The following LMF1 variants were observed in gnomAD, a reference collection of about 807,000 sequenced individuals.
LMF1 encodes lipase maturation factor 1.
Under a neutral mutation model 60.6 loss-of-function variants are expected in LMF1, and 68 were observed. That is an observed-to-expected ratio of 1.12 (90% CI 0.92 to 1.37). The LOEUF (loss-of-function observed/expected upper bound fraction) is 1.37, where lower values mean the gene tolerates loss of function less well. Among genes scored for constraint, LMF1 ranks in the 40% most tolerant of loss-of-function variants. LMF1 has a pLI of 0.00. For missense variants in LMF1, 948 were observed against 767.2 expected (o/e 1.24, Z -2.78); for synonymous variants, 418 against 324.7 (o/e 1.29, Z -3.09).
rs1334731890 is a variant in LMF1, at chr16:853,960, G to T, written c.*572C>A. 1 of 454,088 alleles carries T rather than the reference G, an allele frequency of 2.2e-6. No individual in the cohort carries two copies. 28.1% of individuals were successfully genotyped at this position (454,088 alleles called of 1,614,324 possible). On this transcript the variant is annotated 3_prime_UTR_variant, in exon 11 of 11. Transcript: ENST00000262301. ...GTGTGGGATGCGTGTAGGCTGTGGC[G>T]GGGGTGGAGATGAGGGATAGGACAG... is the stretch of plus-strand genomic sequence containing the variant.
At chr16:980,125 A>C (rs1182252261) in intron 1 of LMF1, 2 of 268,388 alleles carry the variant, frequency 7.5e-6, no homozygotes, top group Non-Finnish European at 1.5e-5. Flanking sequence ...GCTTCCTCTG[A>C]CCTGGCTGCA....
chr16:938,059 A>T (rs2071994001), intron 2 of LMF1, among the ~76,000 whole-genome samples: 1 of 149,036 alleles, frequency 6.7e-6, no homozygotes, highest in Non-Finnish European at 1.5e-5. Flanking sequence ...CCACAAAAAA[A>T]GAGGGGCGCC....
chr16:916,039 T>G (rs1436262773), intron 3 of LMF1, among the ~76,000 whole-genome samples: 1 of 152,044 alleles, frequency 6.6e-6, no homozygotes, highest in Non-Finnish European at 1.5e-5. Context: ...CGGGGTAGCC[T>G]CCGGCAAAGG....
At chr16:960,398 C>T (rs1325957597) in intron 1 of LMF1, among the ~76,000 whole-genome samples, 1,038 of 92,900 alleles carry the variant, frequency 0.011, 6 homozygotes, top group Non-Finnish European at 0.015. Context: ...GATCACGACC[C>T]AGACACAGAC....
intron 3 of LMF1, chr16:931,749 T>C: frequency 7.8e-7 from 1 of 1,286,836 alleles, no homozygotes; most frequent in Non-Finnish European, 1.0e-6. Flanking sequence ...CTACTACGAG[T>C]CTTCTGAATT....
rs754370785 is a variant in LMF1 at position 870,076 on chromosome 16, G to A, written c.1233-10C>T. 2 of 1,603,114 alleles carry A rather than the reference G, an allele frequency of 1.2e-6. No individual in the cohort carries two copies. Among genetic ancestry groups the A allele is most frequent in the South Asian group, 1.1e-5 (1 of 90,810 alleles). ...CCGCTCCTTGGTGATGCTGCCGGGA[G>A]ACCGAGGCAGGCCAGGCCCACGTCA... On this transcript the variant is annotated splice_polypyrimidine_tract_variant and intron_variant, in intron 8 of 10. Coordinates refer to ENST00000262301, the MANE Select transcript of LMF1 (RefSeq NM_022773.4).
chr16:927,305 C>A (rs1028585808), intron 3 of LMF1, among the ~76,000 whole-genome samples: 3 of 152,240 alleles, frequency 2.0e-5, no homozygotes, highest in Non-Finnish European at 4.4e-5. Context: ...AGACCAGAGA[C>A]ACGCAGGACC....
chr16:877,605 A>G (rs2070029197), intron 6 of LMF1, among the ~76,000 whole-genome samples: 1 of 152,206 alleles, frequency 6.6e-6, no homozygotes, highest in Admixed American at 6.5e-5. Flanking sequence ...ATTCATGGCT[A>G]AAAACCCACA....
chr16:952,662 G>C (rs2072508778), intron 2 of LMF1: 1 of 153,494 alleles, frequency 6.5e-6, no homozygotes, highest in Non-Finnish European at 1.5e-5. Flanking sequence ...GTCCACGAAA[G>C]ACACAAGAGC....
At chr16:912,815 C>T (rs1199994891) in intron 3 of LMF1, among the ~76,000 whole-genome samples, 3 of 152,252 alleles carry the variant, frequency 2.0e-5, no homozygotes, top group Non-Finnish European at 4.4e-5. Context: ...ATTCCAGCAG[C>T]TGCGCGGCGT....
At chr16:968,817 G>C (rs117923264) in intron 1 of LMF1, 1 of 152,222 alleles carries the variant, frequency 6.6e-6, no homozygotes, top group Non-Finnish European at 1.5e-5. Context: ...GCCTCAGCTC[G>C]TTTGAAAGAG....
At position 962,241 on chromosome 16, in the gene LMF1, A is replaced by C. The variant is rs1277895214; in HGVS notation, c.194-7575T>G. Among the ~76,000 whole-genome samples, 1 of 151,304 alleles carries C rather than the reference A, an allele frequency of 6.6e-6. No homozygotes were observed. Among genetic ancestry groups the C allele is most frequent in the African/African-American group, 2.4e-5 (1 of 41,086 alleles). On this transcript the variant is annotated intron_variant, in intron 1 of 10. Transcript: ENST00000262301. This position sits in a 1 kb window ranked among gnomAD's most constrained non-coding sequence, Gnocchi z 4.5. The stretch of plus-strand genomic sequence containing the variant: ...CGGTGACAGCATGGGATCACGACCC[A>C]GACACAGACTCACGGTGACAGCACG...
chr16:930,529 GGTGAC>G (rs1376644414), intron 3 of LMF1, among the ~76,000 whole-genome samples: 1 of 152,106 alleles, frequency 6.6e-6, no homozygotes, highest in Non-Finnish European at 1.5e-5. Flanking sequence ...CTCCAGCCTG[GGTGAC>G]AGAGCAAGAC....
intron 2 of LMF1, among the ~76,000 whole-genome samples, chr16:949,307 ACAACGACAGAGTCAGC>A (rs1171672760): frequency 7.4e-5 from 8 of 108,376 alleles, no homozygotes; most frequent in East Asian, 5.2e-4. Context: ...AGAGTCAGAG[ACAACGACAGAGTCAGC>A]CAACGACAGA....
chr16:923,877 T>C (rs1227935289), intron 3 of LMF1, among the ~76,000 whole-genome samples: 2 of 152,300 alleles, frequency 1.3e-5, no homozygotes, highest in African/African-American at 4.8e-5. Context: ...GTCCAATGTG[T>C]TTGATTCTGT....
chr16:923,122 T>C (rs2071490011), intron 3 of LMF1, among the ~76,000 whole-genome samples: 1 of 151,732 alleles, frequency 6.6e-6, no homozygotes. Flanking sequence ...GGTTTTCGGG[T>C]GTGATGTGGT....
At position 880,777 on chromosome 16, in the gene LMF1, C is replaced by T. The variant is rs151252684; in HGVS notation, c.730-1040G>A. Among the ~76,000 whole-genome samples the T allele has an allele frequency of 4.7e-3, 719 of 152,370 alleles. 8 individuals carry two copies. The highest frequency in any genetic ancestry group is 0.016 in the African/African-American group (678 of 41,592). The stretch of plus-strand genomic sequence containing the variant: ...GCCCCCACACGCTGTTTTCTGGAAG[C>T]CCCCAACAACGGGATCCAGAGTGGC... On this transcript the variant is annotated intron_variant, in intron 5 of 10. Coordinates refer to ENST00000262301, the MANE Select transcript of LMF1 (RefSeq NM_022773.4).
chr16:911,329 A>G (rs1244105482), intron 3 of LMF1, among the ~76,000 whole-genome samples: 2 of 152,034 alleles, frequency 1.3e-5, no homozygotes, highest in Admixed American at 1.3e-4. Flanking sequence ...TTCGCCCTGG[A>G]GGGAAAGGCC....
intron 2 of LMF1, among the ~76,000 whole-genome samples, chr16:945,211 CAA>C (rs60283096): frequency 0.11 from 8,504 of 78,922 alleles, 388 homozygotes; most frequent in Non-Finnish European, 0.13. Flanking sequence ...GACTCCATCT[CAA>C]AAAAAAAAAA....
Sources: gnomAD v4.1 joint callset for allele counts (sites outside exome capture counted in the v4.1 genomes callset) on GRCh38, gnomAD v4.1.1 for gene constraint, Gnocchi (gnomAD v3.1) non-coding constraint, MANE v1.5 for transcripts, NCBI Gene and HGNC (gene_info 2026-07-23, HGNC 2026-07-21) for gene names.